The following SUPT3H variants were observed in gnomAD, a reference collection of about 807,000 sequenced individuals.
The protein encoded by SUPT3H is SPT3 homolog, SAGA and STAGA complex component.
Under a neutral mutation model 44.3 loss-of-function variants are expected in SUPT3H, and 44 were observed. That is an observed-to-expected ratio of 0.99 (90% CI 0.78 to 1.28). The LOEUF (loss-of-function observed/expected upper bound fraction) is 1.28, where lower values mean the gene tolerates loss of function less well. Ranked by LOEUF, SUPT3H falls within the 50% of genes most tolerant of loss-of-function variation. The pLI, the probability that SUPT3H is intolerant of heterozygous loss-of-function variation, is 0.00. For synonymous variants in SUPT3H, 124 were observed against 125.6 expected, an observed-to-expected ratio of 0.99 and a Z score of 0.09; for missense variants, 380 against 387.1, an observed-to-expected ratio of 0.98 and a Z score of 0.15.
chr6:44,833,403 C>T (rs999495115), intron 10 of SUPT3H, among the ~76,000 whole-genome samples: 2 of 152,142 alleles, frequency 1.3e-5, no homozygotes, highest in Non-Finnish European at 2.9e-5. Flanking sequence ...CAGTCCCTGG[C>T]TTCACTAAAC....
chr6:44,873,452 G>A (rs960416025), intron 10 of SUPT3H, among the ~76,000 whole-genome samples: 1 of 40,360 alleles, frequency 2.5e-5, no homozygotes, highest in African/African-American at 7.9e-5. Context: ...TGAAACCAAC[G>A]AGAACAAAGA....
At chr6:45,159,606 G>C (rs1808607669) in intron 2 of SUPT3H, 1 of 152,134 alleles carries the variant, frequency 6.6e-6, no homozygotes, top group Non-Finnish European at 1.5e-5. Context: ...TGAACAGTCA[G>C]AGATCCTGTT....
intron 2 of SUPT3H, among the ~76,000 whole-genome samples, chr6:45,305,632 C>A (rs1439321910): frequency 6.6e-6 from 1 of 152,166 alleles, no homozygotes; most frequent in Non-Finnish European, 1.5e-5. Context: ...ACACTATATA[C>A]CACATTGCTA....
chr6:44,982,116 T>C (rs1163348127), intron 6 of SUPT3H, among the ~76,000 whole-genome samples: 1 of 152,150 alleles, frequency 6.6e-6, no homozygotes, highest in East Asian at 1.9e-4. Flanking sequence ...AGTTCTAAGA[T>C]TTAAGAGATA....
At chr6:45,217,453 C>A (rs1285385435) in intron 2 of SUPT3H, among the ~76,000 whole-genome samples, 1 of 149,400 alleles carries the variant, frequency 6.7e-6, no homozygotes, top group East Asian at 2.0e-4. Context: ...CCAGCCTGGG[C>A]GACAGAGCAA....
At chr6:45,168,030 C>T (rs537528491) in intron 2 of SUPT3H, among the ~76,000 whole-genome samples, 2 of 152,134 alleles carry the variant, frequency 1.3e-5, no homozygotes, top group East Asian at 1.9e-4. Context: ...AGGCTGGTCT[C>T]GAACTTCCGA....
At chr6:44,850,634 G>A (rs1335054144) in intron 10 of SUPT3H, among the ~76,000 whole-genome samples, 1 of 152,084 alleles carries the variant, frequency 6.6e-6, no homozygotes. Flanking sequence ...AAATAGAAAG[G>A]AGTCTTGGAA....
chr6:45,290,558 C>T (rs4312985), intron 2 of SUPT3H, among the ~76,000 whole-genome samples: 22,786 of 151,784 alleles, frequency 0.15, 1,952 homozygotes, highest in East Asian at 0.26. Context: ...CTATATACTC[C>T]TTTAAACATC....
intron 2 of SUPT3H, among the ~76,000 whole-genome samples, chr6:45,150,235 T>A (rs1204467206): frequency 6.6e-6 from 1 of 152,152 alleles, no homozygotes; most frequent in Admixed American, 6.6e-5. Context: ...TTCAAAGTTT[T>A]ATTTGTTCCT....
chr6:45,237,754 A>G (rs1207343850), intron 2 of SUPT3H, among the ~76,000 whole-genome samples: 2 of 152,158 alleles, frequency 1.3e-5, no homozygotes, highest in Non-Finnish European at 2.9e-5. Flanking sequence ...GAACAATTAG[A>G]AAAAGGACAC....
chr6:45,111,109 T>C (rs1356915357), intron 2 of SUPT3H, among the ~76,000 whole-genome samples: 1 of 151,352 alleles, frequency 6.6e-6, no homozygotes, highest in Non-Finnish European at 1.5e-5. Context: ...CTTCGCTCAC[T>C]GCAACCTCCA....
At chr6:45,057,306 T>A (rs1791280744) in intron 3 of SUPT3H, among the ~76,000 whole-genome samples, 1 of 152,134 alleles carries the variant, frequency 6.6e-6, no homozygotes, top group African/African-American at 2.4e-5. Context: ...ACAAAGTTTA[T>A]ATCAGTCTTT....
intron 2 of SUPT3H, among the ~76,000 whole-genome samples, chr6:45,191,440 C>A (rs6919813): frequency 6.6e-6 from 1 of 151,804 alleles, no homozygotes; most frequent in East Asian, 1.9e-4. Context: ...GTGGAGCACG[C>A]GGGATTTTTA....
intron 2 of SUPT3H, among the ~76,000 whole-genome samples, chr6:45,324,706 T>C (rs1786082127): frequency 6.6e-6 from 1 of 151,950 alleles, no homozygotes; most frequent in Non-Finnish European, 1.5e-5. Flanking sequence ...ATCTCACATT[T>C]AGACAGCTGC....
intron 2 of SUPT3H, among the ~76,000 whole-genome samples, chr6:45,312,427 A>C (rs1784087434): frequency 6.6e-6 from 1 of 150,574 alleles, no homozygotes; most frequent in Non-Finnish European, 1.5e-5. Flanking sequence ...AGGCAGGAGA[A>C]TGGCGTGAAC....
intron 2 of SUPT3H, among the ~76,000 whole-genome samples, chr6:45,308,371 G>A (rs1053706256): frequency 2.0e-5 from 3 of 152,168 alleles, no homozygotes; most frequent in Non-Finnish European, 2.9e-5. Context: ...ACCCACAAAG[G>A]GAAGACCATC....
At chr6:45,157,376 A>C (rs1388257543) in intron 2 of SUPT3H, among the ~76,000 whole-genome samples, 1 of 151,934 alleles carries the variant, frequency 6.6e-6, no homozygotes, top group Admixed American at 6.6e-5. Context: ...ATGTATGACA[A>C]GACCAGTCAT....
rs573661931 is a variant in SUPT3H, at chr6:45,282,290, G to A, written c.101+82911C>T. ...AGGTTTCAGACAATCAAACTAATCC[G>A]AGCTAAAGGAGGTTCGAACGCTTCG... On this transcript the variant is annotated intron_variant, in intron 2 of 10. Transcript: ENST00000371459. Among the ~76,000 whole-genome samples, 8 of 151,670 alleles carry A rather than the reference G, an allele frequency of 5.3e-5. No individual in the cohort carries two copies. In the East Asian group the frequency reaches 5.9e-4, roughly 11 times the overall value.
intron 3 of SUPT3H, among the ~76,000 whole-genome samples, chr6:45,101,180 C>T (rs1401068878): frequency 6.6e-6 from 1 of 152,204 alleles, no homozygotes; most frequent in South Asian, 2.1e-4. Context: ...AATCCCAGCA[C>T]TTTGGGAGGC....
Sources: allele counts gnomAD v4.1 joint callset (sites outside exome capture counted in the v4.1 genomes callset), GRCh38; gene constraint gnomAD v4.1.1; transcripts MANE v1.5; gene names NCBI Gene and HGNC (gene_info 2026-07-23, HGNC 2026-07-21).